The following ANKS1B variants were observed in gnomAD, a reference collection of about 807,000 sequenced individuals.
ANKS1B encodes ankyrin repeat and sterile alpha motif domain containing 1B.
In ANKS1B, 36 loss-of-function variants were observed where a neutral mutation model predicts 148.3. The ratio of observed to expected loss-of-function variants is 0.24; its 90% CI spans 0.19 to 0.32. ANKS1B has a LOEUF of 0.32. Among genes scored for constraint, ANKS1B ranks in the 10% least tolerant of loss-of-function variants. ANKS1B has a pLI of 1.00. For synonymous variants in ANKS1B, 542 were observed against 560.8 expected, an observed-to-expected ratio of 0.97 and a Z score of 0.47; for missense variants, 1,157 against 1,542.6, an observed-to-expected ratio of 0.75 and a Z score of 4.19.
intron 10 of ANKS1B, among the ~76,000 whole-genome samples, chr12:99,498,418 T>A (rs1216249680): frequency 6.6e-6 from 1 of 152,212 alleles, no homozygotes; most frequent in Admixed American, 6.5e-5. Context: ...TCTGCATCTC[T>A]GCACACACTG....
chr12:99,685,752 A>C (rs983139054), intron 8 of ANKS1B, among the ~76,000 whole-genome samples: 1 of 151,742 alleles, frequency 6.6e-6, no homozygotes, highest in African/African-American at 2.4e-5. Flanking sequence ...GTATACATAT[A>C]TATATATACA....
chr12:99,571,116 C>T (rs551451046), intron 9 of ANKS1B, among the ~76,000 whole-genome samples: 8 of 152,132 alleles, frequency 5.3e-5, no homozygotes, highest in Admixed American at 1.3e-4. Flanking sequence ...ATTATGAAGA[C>T]TTTATATGTA....
chr12:99,618,255 G>A (rs1032520873), intron 9 of ANKS1B, among the ~76,000 whole-genome samples: 1 of 152,108 alleles, frequency 6.6e-6, no homozygotes, highest in Non-Finnish European at 1.5e-5. Flanking sequence ...GCTTTTGTAT[G>A]TATAAGGACA....
intron 1 of ANKS1B, among the ~76,000 whole-genome samples, chr12:99,967,573 T>A (rs2095500869): frequency 6.6e-6 from 1 of 151,664 alleles, no homozygotes; most frequent in Admixed American, 6.6e-5. Context: ...TACAAGTCAC[T>A]CCATTACATT....
chr12:99,374,766 T>A (rs1271764885), intron 12 of ANKS1B, among the ~76,000 whole-genome samples: 1 of 152,184 alleles, frequency 6.6e-6, no homozygotes, highest in Non-Finnish European at 1.5e-5. Context: ...AAATCACACA[T>A]CTTCTTTGTG....
chr12:99,047,972 T>C (rs561283998), intron 17 of ANKS1B, among the ~76,000 whole-genome samples: 2 of 152,172 alleles, frequency 1.3e-5, no homozygotes, highest in Non-Finnish European at 2.9e-5. Context: ...CTTTAATGTT[T>C]TGATGTTACT....
intron 12 of ANKS1B, among the ~76,000 whole-genome samples, chr12:99,387,028 T>G (rs956342301): frequency 6.6e-6 from 1 of 152,230 alleles, no homozygotes; most frequent in African/African-American, 2.4e-5. Flanking sequence ...TGGATACACT[T>G]TATTTGAGAC....
At chr12:99,808,665 T>C (rs2067943162) in intron 3 of ANKS1B, among the ~76,000 whole-genome samples, 1 of 152,138 alleles carries the variant, frequency 6.6e-6, no homozygotes, top group South Asian at 2.1e-4. Context: ...CCAATCTTAT[T>C]ACTTCACACC....
At chr12:98,881,341 G>C (rs2152510964) in intron 17 of ANKS1B, among the ~76,000 whole-genome samples, 1 of 152,236 alleles carries the variant, frequency 6.6e-6, no homozygotes, top group South Asian at 2.1e-4. Flanking sequence ...CAGGTAGCAA[G>C]AGCTATATTT....
rs73380426 is a variant in ANKS1B at position 98,807,343 on chromosome 12, C to T, written c.3141+501G>A. Among the ~76,000 whole-genome samples the T allele has an allele frequency of 5.1e-3, 770 of 152,160 alleles. 5 individuals are homozygous for T. The highest frequency in any genetic ancestry group is 0.018 in the African/African-American group (731 of 41,492). On this transcript the variant is annotated intron_variant, in intron 20 of 26. Coordinates refer to ENST00000683438, the MANE Select transcript of ANKS1B (RefSeq NM_001352186.2). ...TAACCGTGCCTCTCCCAGCTCACCT[C>T]CCCCCACATTTGCATAAAATGTATA...
intron 12 of ANKS1B, among the ~76,000 whole-genome samples, chr12:99,276,538 T>C (rs891242414): frequency 1.3e-5 from 2 of 152,138 alleles, no homozygotes; most frequent in African/African-American, 4.8e-5. Flanking sequence ...TGAGCATCTC[T>C]CTCACCTATA....
intron 12 of ANKS1B, among the ~76,000 whole-genome samples, chr12:99,284,000 C>T (rs2078803833): frequency 6.6e-6 from 1 of 152,076 alleles, no homozygotes; most frequent in African/African-American, 2.4e-5. Flanking sequence ...AACAAGACTC[C>T]TCCTAAATAA....
intron 10 of ANKS1B, among the ~76,000 whole-genome samples, chr12:99,445,107 G>T (rs1204686712): frequency 1.3e-5 from 2 of 152,012 alleles, no homozygotes; most frequent in Non-Finnish European, 2.9e-5. Flanking sequence ...GAAAAGGTGG[G>T]ATTTGAATTG....
chr12:99,750,912 T>A (rs902606770), intron 8 of ANKS1B, among the ~76,000 whole-genome samples: 1 of 152,166 alleles, frequency 6.6e-6, no homozygotes. Context: ...ATAATTTTTA[T>A]TTTTTAAAAT....
chr12:99,645,290 A>G (rs192748594), intron 9 of ANKS1B, among the ~76,000 whole-genome samples: 81 of 152,350 alleles, frequency 5.3e-4, no homozygotes, highest in Non-Finnish European at 1.2e-4. Flanking sequence ...AGTTTTGGGA[A>G]GACGAAATTT....
At chr12:99,534,563 A>T (rs2097042317) in intron 9 of ANKS1B, among the ~76,000 whole-genome samples, 1 of 151,772 alleles carries the variant, frequency 6.6e-6, no homozygotes, top group South Asian at 2.1e-4. Context: ...ATTTCTACAC[A>T]TAATAATTAA....
At chr12:99,010,596 G>A (rs141367213) in intron 17 of ANKS1B, among the ~76,000 whole-genome samples, 1 of 152,226 alleles carries the variant, frequency 6.6e-6, no homozygotes, top group African/African-American at 2.4e-5. Context: ...CTGTGTCTCA[G>A]AGGGTGAGAA....
chr12:99,253,036 C>T (rs2074815926), intron 12 of ANKS1B, among the ~76,000 whole-genome samples: 1 of 152,046 alleles, frequency 6.6e-6, no homozygotes, highest in African/African-American at 2.4e-5. Flanking sequence ...CCAGCCTGGG[C>T]AACATAGCAA....
chr12:98,769,422 G>T (rs890547452), intron 25 of ANKS1B, among the ~76,000 whole-genome samples: 18 of 152,052 alleles, frequency 1.2e-4, no homozygotes, highest in African/African-American at 4.3e-4. Flanking sequence ...ACCTGGAGAA[G>T]ATTAAAATGG....
Sources: allele counts gnomAD v4.1 joint callset (sites outside exome capture counted in the v4.1 genomes callset), GRCh38; gene constraint gnomAD v4.1.1; transcripts MANE v1.5; gene names NCBI Gene and HGNC (gene_info 2026-07-23, HGNC 2026-07-21).